Variants in MAGI3 observed in about 807,000 individuals in gnomAD.
The protein encoded by MAGI3 is membrane associated guanylate kinase, WW and PDZ domain containing 3, also known as membrane-associated guanylate kinase, WW and PDZ domain-containing protein 3.
A neutral mutation model predicts 121.8 loss-of-function variants in MAGI3; 43 were observed. That is an observed-to-expected ratio of 0.35 (90% CI 0.28 to 0.46). The LOEUF (loss-of-function observed/expected upper bound fraction) is 0.46. Among genes scored for constraint, MAGI3 ranks in the 20% least tolerant of loss-of-function variants. The pLI, the probability that MAGI3 is intolerant of heterozygous loss-of-function variation, is 1.00. For synonymous variants in MAGI3, 553 were observed against 639.3 expected (o/e 0.86, Z 2.04); for missense variants, 1,547 against 1,797.3 (o/e 0.86, Z 2.52).
intron 1 of MAGI3, among the ~76,000 whole-genome samples, chr1:113,535,176 C>T (rs1461663025): frequency 6.6e-6 from 1 of 152,020 alleles, no homozygotes; most frequent in Non-Finnish European, 1.5e-5. Flanking sequence ...TGGTCTTATT[C>T]TCTTGTTTTT....
intron 15 of MAGI3, among the ~76,000 whole-genome samples, chr1:113,655,328 A>C (rs1002911908): frequency 6.6e-6 from 1 of 152,196 alleles, no homozygotes; most frequent in Admixed American, 6.5e-5. Context: ...GATGCTAACC[A>C]CTTTCTATAT....
intron 2 of MAGI3, among the ~76,000 whole-genome samples, chr1:113,549,841 G>A (rs553960787): frequency 1.3e-5 from 2 of 152,202 alleles, no homozygotes; most frequent in South Asian, 2.1e-4. Context: ...AAACTGGGCC[G>A]GGTGCAGTGG....
intron 5 of MAGI3, among the ~76,000 whole-genome samples, chr1:113,592,414 A>G (rs1648742770): frequency 2.6e-5 from 4 of 152,170 alleles, no homozygotes; most frequent in African/African-American, 9.7e-5. Flanking sequence ...CAAATTGCCT[A>G]CATCTGCTGA....
intron 2 of MAGI3, among the ~76,000 whole-genome samples, chr1:113,551,964 C>T (rs1276720610): frequency 3.3e-5 from 5 of 151,864 alleles, no homozygotes; most frequent in Admixed American, 3.3e-4. Context: ...TCCTTCTCTC[C>T]CATCATCTGA....
chr1:113,672,764 G>A (rs200222109), intron 18 of MAGI3, 23 bp downstream of exon 18: 14 of 1,595,674 alleles, frequency 8.8e-6, no homozygotes, highest in East Asian at 2.3e-5. Context: ...TTCCCCAGAT[G>A]GGGAGTGATA....
intron 19 of MAGI3, among the ~76,000 whole-genome samples, chr1:113,674,773 G>A (rs17274627): frequency 0.1 from 15,676 of 152,146 alleles, 1,035 homozygotes; most frequent in East Asian, 0.19. Flanking sequence ...GCATGCTACT[G>A]AATGAGTTGG....
chr1:113,549,590 A>C lies in MAGI3; in HGVS notation c.392A>C (p.Gln131Pro). 1 of 1,609,162 alleles carries C rather than the reference A, an allele frequency of 6.2e-7. No homozygotes were observed. Among genetic ancestry groups the C allele is most frequent in the Non-Finnish European group, 8.5e-7 (1 of 1,177,076 alleles). ...FQKGSIDHKL[Q>P]QVIRDNLYLR... ...AAAGGATCAATTGACCACAAACTGCAGCAAGTGATCAGAGATAATCTCTAC... is the reference window on the plus strand; with the variant it reads ...AAAGGATCAATTGACCACAAACTGCCGCAAGTGATCAGAGATAATCTCTAC... Residue 131 changes from glutamine (Q) to proline (P), a missense_variant, in exon 2 of 21, where the codon CAG becomes CCG. Gln to Pro is a moderately conservative substitution (Grantham distance 76). Transcript: ENST00000307546.
chr1:113,608,065 C>A (rs771487138), intron 6 of MAGI3, among the ~76,000 whole-genome samples: 2 of 152,210 alleles, frequency 1.3e-5, no homozygotes, highest in Middle Eastern at 3.4e-3. Context: ...CAGAAGTAGA[C>A]GTCCTCTCCT....
At chr1:113,547,238 A>G (rs1050696240) in intron 1 of MAGI3, among the ~76,000 whole-genome samples, 4 of 152,170 alleles carry the variant, frequency 2.6e-5, no homozygotes, top group Non-Finnish European at 5.9e-5. Flanking sequence ...CTGAGTTTTT[A>G]GCATTTTATA....
intron 1 of MAGI3, among the ~76,000 whole-genome samples, chr1:113,458,917 C>T (rs1305954841): frequency 6.6e-6 from 1 of 152,088 alleles, no homozygotes; most frequent in Non-Finnish European, 1.5e-5. Flanking sequence ...TTATTAGAAA[C>T]TTTAATAAGA....
chr1:113,495,967 T>C (rs1170180856), intron 1 of MAGI3, among the ~76,000 whole-genome samples: 1 of 152,152 alleles, frequency 6.6e-6, no homozygotes, highest in African/African-American at 2.4e-5. Context: ...TGACAAGTGG[T>C]TGTGATATAT....
At chr1:113,682,185 C>G (rs1419881975) in intron 20 of MAGI3, 1 of 1,546,444 alleles carries the variant, frequency 6.5e-7, no homozygotes, top group South Asian at 1.2e-5. Flanking sequence ...TTCACATAGT[C>G]CTAGGCTTTT....
At chr1:113,474,173 A>G (rs1655687723) in intron 1 of MAGI3, among the ~76,000 whole-genome samples, 1 of 152,212 alleles carries the variant, frequency 6.6e-6, no homozygotes, top group African/African-American at 2.4e-5. Flanking sequence ...GCCATTTGTC[A>G]GATGGGTAGA....
intron 1 of MAGI3, among the ~76,000 whole-genome samples, chr1:113,428,168 A>C (rs1024219921): frequency 6.6e-6 from 1 of 152,172 alleles, no homozygotes; most frequent in Non-Finnish European, 1.5e-5. Context: ...ACTTGTTGTT[A>C]AAAATGATTA....
chr1:113,681,416 A>G, intron 20 of MAGI3, 80 bp downstream of exon 20: 1 of 1,449,376 alleles, frequency 6.9e-7, no homozygotes, highest in Non-Finnish European at 9.3e-7. Context: ...ATATTTGGAG[A>G]GGATAGATAT....
At chr1:113,413,287 A>G (rs1381115735) in intron 1 of MAGI3, among the ~76,000 whole-genome samples, 1 of 152,102 alleles carries the variant, frequency 6.6e-6, no homozygotes, top group Non-Finnish European at 1.5e-5. Context: ...GTAGCCTTGT[A>G]GTATAGTTTG....
chr1:113,437,951 TTC>T (rs1324337195), intron 1 of MAGI3, among the ~76,000 whole-genome samples: 3 of 145,610 alleles, frequency 2.1e-5, no homozygotes, highest in African/African-American at 7.7e-5. Context: ...CTCCTTCTCC[TTC>T]TTCTTTTCTT....
chr1:113,406,497 A>G (rs866272203), intron 1 of MAGI3, among the ~76,000 whole-genome samples: 1 of 151,746 alleles, frequency 6.6e-6, no homozygotes. Flanking sequence ...GGATTTTTCT[A>G]TTCTTTCATA....
chr1:113,448,407 T>C (rs1654291162), intron 1 of MAGI3, among the ~76,000 whole-genome samples: 1 of 152,240 alleles, frequency 6.6e-6, no homozygotes, highest in African/African-American at 2.4e-5. Context: ...AATTTGAACC[T>C]ACCCTTCTCC....
Sources: allele counts gnomAD v4.1 joint callset (sites outside exome capture counted in the v4.1 genomes callset), GRCh38; gene constraint gnomAD v4.1.1; transcripts MANE v1.5; gene names NCBI Gene and HGNC (gene_info 2026-07-23, HGNC 2026-07-21).